Variants in NFIA observed in about 807,000 individuals in gnomAD.
NFIA encodes the protein nuclear factor I A.
NFIA carries 8 observed loss-of-function variants against 62.8 expected under a neutral mutation model. That is an observed-to-expected ratio of 0.13 (90% CI 0.07 to 0.23). The LOEUF is 0.23. NFIA is among the 10% of genes least tolerant of loss of function. The probability of loss-of-function intolerance (pLI) is 1.00; values close to 1 mark genes in which losing one functional copy is unlikely to be tolerated. For synonymous variants in NFIA, 235 were observed against 238.1 expected, an observed-to-expected ratio of 0.99 and a Z score of 0.12; for missense variants, 410 against 642.1, an observed-to-expected ratio of 0.64 and a Z score of 3.91.
chr1:61,183,679 G>T (rs1421823363), intron 2 of NFIA, among the ~76,000 whole-genome samples: 1 of 152,190 alleles, frequency 6.6e-6, no homozygotes, highest in Admixed American at 6.5e-5. Flanking sequence ...CAGCCACACA[G>T]GGCTGCTTGA....
At chr1:61,296,146 A>G (rs1485820061) in intron 3 of NFIA, among the ~76,000 whole-genome samples, 1 of 152,236 alleles carries the variant, frequency 6.6e-6, no homozygotes, top group Non-Finnish European at 1.5e-5. Context: ...CTTTAAAAGT[A>G]TAAGCATCCA....
intron 2 of NFIA, among the ~76,000 whole-genome samples, chr1:61,249,403 T>G (rs1655866763): frequency 6.6e-6 from 1 of 152,114 alleles, no homozygotes; most frequent in African/African-American, 2.4e-5. Flanking sequence ...AGCCAACACG[T>G]TTTTTAAGTG....
intron 2 of NFIA, among the ~76,000 whole-genome samples, chr1:61,203,337 A>G (rs1375331813): frequency 2.6e-5 from 4 of 152,140 alleles, no homozygotes; most frequent in African/African-American, 9.7e-5. Flanking sequence ...TATAAAAGTG[A>G]GCGCTTCAAG....
At chr1:61,229,162 T>C (rs1654515109) in intron 2 of NFIA, among the ~76,000 whole-genome samples, 1 of 151,954 alleles carries the variant, frequency 6.6e-6, no homozygotes, top group South Asian at 2.1e-4. Context: ...AATTTTTTCC[T>C]TTATTGGAAC....
chr1:61,330,436 A>ACACCC (rs1553173845), intron 3 of NFIA, among the ~76,000 whole-genome samples: 1 of 63,480 alleles, frequency 1.6e-5, no homozygotes, highest in Admixed American at 2.1e-4. Flanking sequence ...AAATAGATAC[A>ACACCC]CCCCCCCCAC....
chr1:61,184,125 CAAAA>C (rs71050114), intron 2 of NFIA, among the ~76,000 whole-genome samples: 73 of 94,916 alleles, frequency 7.7e-4, no homozygotes, highest in Admixed American at 1.5e-3. Context: ...GAAAAAAAAC[CAAAA>C]AAAAAAAAAA....
chr1:61,359,915 T>C (rs1663192138), intron 6 of NFIA, among the ~76,000 whole-genome samples: 1 of 152,214 alleles, frequency 6.6e-6, no homozygotes, highest in African/African-American at 2.4e-5. Context: ...TTATACTATC[T>C]TTTGGTTTAG....
At chr1:61,091,629 G>A (rs1646321438) in intron 2 of NFIA, among the ~76,000 whole-genome samples, 1 of 152,076 alleles carries the variant, frequency 6.6e-6, no homozygotes, top group Non-Finnish European at 1.5e-5. Flanking sequence ...TGGTATTGTG[G>A]CAAATGGTTT....
chr1:61,220,118 A>G (rs78501654), intron 2 of NFIA, among the ~76,000 whole-genome samples: 1,537 of 152,322 alleles, frequency 0.01, 50 homozygotes, highest in East Asian at 0.087. Flanking sequence ...GAAAGGAGCA[A>G]GTGAAGAACT....
intron 2 of NFIA, among the ~76,000 whole-genome samples, chr1:61,186,181 G>T (rs1651165379): frequency 1.3e-5 from 2 of 151,916 alleles, no homozygotes; most frequent in South Asian, 4.2e-4. Flanking sequence ...GAGCACACTG[G>T]TTGGGAGAAG....
At chr1:61,326,825 T>C (rs1489121659) in intron 3 of NFIA, among the ~76,000 whole-genome samples, 1 of 151,914 alleles carries the variant, frequency 6.6e-6, no homozygotes, top group Admixed American at 6.6e-5. Flanking sequence ...GAAGAACAGA[T>C]GTTTCAGGAA....
chr1:61,200,338 C>T (rs1319744624), intron 2 of NFIA, among the ~76,000 whole-genome samples: 1 of 151,690 alleles, frequency 6.6e-6, no homozygotes, highest in Non-Finnish European at 1.5e-5. Context: ...CACTTAGAAT[C>T]TTCCTCCTGG....
At chr1:61,169,687 G>A (rs773644880) in intron 2 of NFIA, among the ~76,000 whole-genome samples, 4 of 152,106 alleles carry the variant, frequency 2.6e-5, no homozygotes, top group South Asian at 2.1e-4. Flanking sequence ...GAAAGCGAAC[G>A]GTTTAAAACA....
chr1:61,401,014 G>A (rs551450205), intron 7 of NFIA, among the ~76,000 whole-genome samples: 6 of 118,278 alleles, frequency 5.1e-5, no homozygotes, highest in African/African-American at 9.2e-5. Context: ...TAGAGAAATA[G>A]CATCTATTTA....
chr1:61,352,877 G>T (rs564679664), intron 5 of NFIA, among the ~76,000 whole-genome samples: 2 of 152,062 alleles, frequency 1.3e-5, no homozygotes, highest in Non-Finnish European at 2.9e-5. Context: ...CTTGTTTCCA[G>T]CTCTAAATGT....
At chr1:61,416,713 C>T (rs1439123760) in intron 9 of NFIA, among the ~76,000 whole-genome samples, 2 of 152,030 alleles carry the variant, frequency 1.3e-5, no homozygotes, top group East Asian at 1.9e-4. Flanking sequence ...TTTTCATATG[C>T]ATTACCTTAG....
intron 3 of NFIA, among the ~76,000 whole-genome samples, chr1:61,315,926 C>T (rs776373586): frequency 1.3e-5 from 2 of 152,216 alleles, no homozygotes; most frequent in African/African-American, 2.4e-5. Flanking sequence ...ATGATGCTGT[C>T]GTGAACAAAT....
intron 8 of NFIA, among the ~76,000 whole-genome samples, chr1:61,404,639 G>T (rs1285938663): frequency 6.6e-6 from 1 of 152,202 alleles, no homozygotes; most frequent in South Asian, 2.1e-4. Context: ...TTTAAATAAT[G>T]ATTTGGGGTG....
At chr1:61,099,920 C>G (rs1646479468) in intron 2 of NFIA, among the ~76,000 whole-genome samples, 1 of 152,072 alleles carries the variant, frequency 6.6e-6, no homozygotes, top group African/African-American at 2.4e-5. Context: ...AGTAACTTGT[C>G]CAGGGTTATA....
Sources: allele counts gnomAD v4.1 joint callset (sites outside exome capture counted in the v4.1 genomes callset), GRCh38; gene constraint gnomAD v4.1.1; transcripts MANE v1.5; gene names NCBI Gene and HGNC (gene_info 2026-07-23, HGNC 2026-07-21).